Variants in HS3ST4 observed in about 807,000 individuals in gnomAD.
The protein encoded by HS3ST4 is heparan sulfate-glucosamine 3-sulfotransferase 4, also known as heparan sulfate glucosamine 3-O-sulfotransferase 4.
In HS3ST4, 17 loss-of-function variants were observed where a neutral mutation model predicts 29.2. That is an observed-to-expected ratio of 0.58 (90% CI 0.40 to 0.87). The LOEUF is 0.87. Ranked by LOEUF, HS3ST4 falls within the 40% of genes least tolerant of loss-of-function variation. The pLI is 0.00. For missense variants in HS3ST4, 627 were observed against 634.5 expected (o/e 0.99, Z 0.13); for synonymous variants, 314 against 285.7 (o/e 1.10, Z -1.00).
At chr16:25,878,184 C>T (rs1217058516) in intron 1 of HS3ST4, among the ~76,000 whole-genome samples, 1 of 152,150 alleles carries the variant, frequency 6.6e-6, no homozygotes, top group Non-Finnish European at 1.5e-5. Flanking sequence ...ATAACAATGG[C>T]ATTGTGATGA....
At chr16:26,027,049 A>G (rs1224037651) in intron 1 of HS3ST4, among the ~76,000 whole-genome samples, 2 of 152,224 alleles carry the variant, frequency 1.3e-5, no homozygotes, top group African/African-American at 4.8e-5. Context: ...CCCTGCTTAT[A>G]AATATCTACT....
At chr16:25,730,971 A>G (rs1966566700) in intron 1 of HS3ST4, among the ~76,000 whole-genome samples, 1 of 152,228 alleles carries the variant, frequency 6.6e-6, no homozygotes, top group South Asian at 2.1e-4. Context: ...GGACAAAGAC[A>G]CATACAGGGT....
chr16:25,903,231 G>C (rs753845988), intron 1 of HS3ST4, among the ~76,000 whole-genome samples: 90 of 149,878 alleles, frequency 6.0e-4, no homozygotes, highest in Non-Finnish European at 1.2e-3. Context: ...TAGAGACTTA[G>C]GATAAGAACT....
chr16:25,859,072 T>C (rs960298655), intron 1 of HS3ST4, among the ~76,000 whole-genome samples: 1 of 152,170 alleles, frequency 6.6e-6, no homozygotes, highest in Non-Finnish European at 1.5e-5. Flanking sequence ...GAATTTATTA[T>C]TTAAAAGTGC....
intron 1 of HS3ST4, among the ~76,000 whole-genome samples, chr16:25,803,868 G>A (rs1966964424): frequency 6.6e-6 from 1 of 152,122 alleles, no homozygotes; most frequent in Non-Finnish European, 1.5e-5. Flanking sequence ...ATCACAATGT[G>A]TGTCTAGAAG....
At chr16:26,129,130 T>C (rs191433441) in intron 1 of HS3ST4, among the ~76,000 whole-genome samples, 3 of 152,316 alleles carry the variant, frequency 2.0e-5, no homozygotes, top group Admixed American at 6.5e-5. Context: ...TTTGCTTCAA[T>C]TGAGGAGGCC....
At position 25,883,753 on chromosome 16, in the gene HS3ST4, C is replaced by A. The variant is rs574716047; in HGVS notation, c.734+190602C>A. On this transcript the variant is annotated intron_variant, in intron 1 of 1. Coordinates refer to ENST00000331351, the MANE Select transcript of HS3ST4 (RefSeq NM_006040.3). ...AAAATAAGTGTTATTATACTTGTTACCATTTTGCAGATGGGAAAACTGAGA... is the reference window on the plus strand; with the variant it reads ...AAAATAAGTGTTATTATACTTGTTAACATTTTGCAGATGGGAAAACTGAGA... 6.6e-4 allele frequency among the ~76,000 whole-genome samples: 100 copies of A among 152,258 alleles called. 2 individuals carry two copies. The South Asian group carries it at 0.02, about 31-fold the overall frequency.
At chr16:26,069,190 G>C (rs1226489283) in intron 1 of HS3ST4, among the ~76,000 whole-genome samples, 1 of 152,184 alleles carries the variant, frequency 6.6e-6, no homozygotes, top group African/African-American at 2.4e-5. Context: ...GGGCTCAAGT[G>C]ATACAACTGC....
At chr16:25,945,772 A>G (rs1596622269) in intron 1 of HS3ST4, among the ~76,000 whole-genome samples, 1 of 152,170 alleles carries the variant, frequency 6.6e-6, no homozygotes, top group South Asian at 2.1e-4. Context: ...CAGTTTCTCC[A>G]TGTTGCCATA....
chr16:25,786,062 ATGAATAATACTGTTTCC>A (rs1966857276), intron 1 of HS3ST4, among the ~76,000 whole-genome samples: 1 of 152,186 alleles, frequency 6.6e-6, no homozygotes. Context: ...TAGGGAGAAT[ATGAATAATACTGTTTCC>A]TGAATTCCGG....
At chr16:25,993,805 GT>G (rs1969134178) in intron 1 of HS3ST4, among the ~76,000 whole-genome samples, 1 of 152,028 alleles carries the variant, frequency 6.6e-6, no homozygotes, top group Non-Finnish European at 1.5e-5. Flanking sequence ...TGTAAACTAA[GT>G]GGCTTAAATA....
chr16:25,741,437 C>A (rs1966652277), intron 1 of HS3ST4, among the ~76,000 whole-genome samples: 1 of 134,342 alleles, frequency 7.4e-6, no homozygotes, highest in African/African-American at 2.7e-5. Flanking sequence ...TAGGATTATA[C>A]ATAACTGTAC....
chr16:25,737,905 C>CTT (rs11314900), intron 1 of HS3ST4, among the ~76,000 whole-genome samples: 3 of 125,864 alleles, frequency 2.4e-5, no homozygotes, highest in Non-Finnish European at 3.3e-5. Context: ...CCTGTAGCTT[C>CTT]TTTTTTTTTT....
intron 1 of HS3ST4, among the ~76,000 whole-genome samples, chr16:25,722,627 C>T (rs1432003158): frequency 6.6e-6 from 1 of 152,188 alleles, no homozygotes; most frequent in African/African-American, 2.4e-5. Flanking sequence ...GTGGTACAGT[C>T]TGCTGAACAT....
At chr16:25,923,891 G>A (rs1006570506) in intron 1 of HS3ST4, among the ~76,000 whole-genome samples, 1 of 152,046 alleles carries the variant, frequency 6.6e-6, no homozygotes. Flanking sequence ...GCATTTTCTG[G>A]GACTGTGACC....
chr16:25,939,776 C>G (rs1261438871), intron 1 of HS3ST4, among the ~76,000 whole-genome samples: 1 of 152,116 alleles, frequency 6.6e-6, no homozygotes, highest in African/African-American at 2.4e-5. Flanking sequence ...AAAACGTGTT[C>G]ACTGGAAACC....
chr16:25,841,447 G>A (rs1967412565), intron 1 of HS3ST4, among the ~76,000 whole-genome samples: 1 of 152,026 alleles, frequency 6.6e-6, no homozygotes, highest in Non-Finnish European at 1.5e-5. Flanking sequence ...ACTATAGGCA[G>A]CTAATTTTTG....
chr16:26,128,258 A>C (rs1259750458), intron 1 of HS3ST4, among the ~76,000 whole-genome samples: 1 of 152,170 alleles, frequency 6.6e-6, no homozygotes, highest in Non-Finnish European at 1.5e-5. Context: ...AAAAACATAC[A>C]GTCTATTGAA....
At chr16:26,044,142 C>G (rs548319563) in intron 1 of HS3ST4, among the ~76,000 whole-genome samples, 4 of 152,332 alleles carry the variant, frequency 2.6e-5, no homozygotes, top group African/African-American at 9.6e-5. Context: ...ACTGGGTTCA[C>G]TGCGTCGTGT....
Sources: allele counts gnomAD v4.1 joint callset (sites outside exome capture counted in the v4.1 genomes callset), GRCh38; gene constraint gnomAD v4.1.1; transcripts MANE v1.5; gene names NCBI Gene and HGNC (gene_info 2026-07-23, HGNC 2026-07-21).